The following ZNF726 variants were observed in gnomAD, a reference collection of about 807,000 sequenced individuals.
ZNF726 encodes the protein zinc finger protein 726.
A neutral mutation model predicts 11.6 loss-of-function variants in ZNF726; 15 were observed. The observed-to-expected ratio is 1.29, with a 90% CI of 0.86 to 1.99. The LOEUF is 1.99. Among genes scored for constraint, ZNF726 ranks in the 30% most tolerant of loss-of-function variants. The probability of loss-of-function intolerance (pLI) is 0.00; values close to 1 mark genes in which losing one functional copy is unlikely to be tolerated. For missense variants in ZNF726, 890 were observed against 725.6 expected (o/e 1.23, Z -2.60); for synonymous variants, 295 against 243.6 (o/e 1.21, Z -1.96).
At chr19:23,923,072 G>T (rs1025773088) in intron 3 of ZNF726, among the ~76,000 whole-genome samples, 1 of 151,900 alleles carries the variant, frequency 6.6e-6, no homozygotes, top group Non-Finnish European at 1.5e-5. Context: ...TAGATAATAC[G>T]CAGGCAGGCA....
intron 3 of ZNF726, among the ~76,000 whole-genome samples, chr19:23,931,438 T>G (rs1454688955): frequency 6.6e-6 from 1 of 152,256 alleles, no homozygotes; most frequent in Admixed American, 6.5e-5. Flanking sequence ...TCTCTGTTCC[T>G]GTTTTAATCA....
chr19:23,916,253 TC>T (rs1967695437), intron 1 of ZNF726, among the ~76,000 whole-genome samples: 1 of 152,194 alleles, frequency 6.6e-6, no homozygotes, highest in Non-Finnish European at 1.5e-5. Flanking sequence ...AATGCCAGTT[TC>T]TCCTCTCTAA....
chr19:23,932,513 C>G lies in ZNF726; in HGVS notation c.397C>G (p.Leu133Val), dbSNP rs1968129763. 3.2e-6 allele frequency: 5 copies of G among 1,586,240 alleles called. No individual in the cohort carries two copies. The African/African-American group carries it at 5.4e-5, about 17-fold the overall frequency. The change falls in exon 4 of 4, where the codon CTT becomes GTT. Residue 133 changes from leucine to valine, a missense_variant. Leu to Val is a conservative substitution (Grantham distance 32). Coordinates refer to ENST00000594466, the MANE Select transcript of ZNF726 (RefSeq NM_001244038.2). ...GGTACACAAAGAAGGTTATAATGGA[C>G]TTAACCAGTGTTTCACAACTACCCA... ...CKVHKEGYNG[L>V]NQCFTTTQGK...
downstream of ZNF726, chr19:23,935,119 A>G (rs1968205827): frequency 5.5e-6 from 2 of 360,870 alleles, no homozygotes; most frequent in South Asian, 2.1e-5. Flanking sequence ...CTGGTGATAC[A>G]GTTTGGCTGT....
In ZNF726 at chr19:23,932,327, T is replaced by G; in HGVS notation, c.227-16T>G. The G allele has an allele frequency of 1.5e-6, 2 of 1,321,806 alleles. No homozygotes were observed. The highest frequency in any genetic ancestry group is 2.7e-5 in the South Asian group (1 of 37,214). The allele number at this position is 1,321,806 out of a possible 1,614,324, so 81.9% of individuals were successfully genotyped here. A position where few individuals can be genotyped will look rare whatever the true frequency, so the allele number is the denominator to read the frequency against. On this transcript the variant is annotated splice_polypyrimidine_tract_variant and intron_variant, in intron 3 of 3. Coordinates refer to ENST00000594466, the MANE Select transcript of ZNF726 (RefSeq NM_001244038.2). ...CAGTATAGTAAGTGGAGTAAATTATTTTAATTTTTTTTTAGGTATATGTCC... is the reference window on the plus strand; with the variant it reads ...CAGTATAGTAAGTGGAGTAAATTATGTTAATTTTTTTTTAGGTATATGTCC...
rs541855480 is a variant in ZNF726 at position 23,933,681 on chromosome 19, C to T, written c.1565C>T (p.Ser522Leu). ...TGTGGCAAAGCATTTATATTGTCCT[C>T]GACCCTATCTAAACATAAGAGGATT... is the stretch of plus-strand genomic sequence containing the variant. Reference protein sequence around the residue: ...EECGKAFILSSTLSKHKRIHT... With the variant: ...EECGKAFILSLTLSKHKRIHT... Residue 522 changes from serine (S) to leucine (L), a missense_variant, in exon 4 of 4, where the codon TCG (serine) becomes TTG (leucine). Physicochemically the swap from Ser to Leu is moderately radical, Grantham distance 145. Coordinates refer to ENST00000594466, the MANE Select transcript of ZNF726 (RefSeq NM_001244038.2). 17 of 1,612,246 alleles carry T rather than the reference C, an allele frequency of 1.1e-5. No homozygotes were observed. The highest frequency in any genetic ancestry group is 1.7e-4 in the Middle Eastern group (1 of 6,054).
downstream of ZNF726, chr19:23,935,501 T>G (rs1274298332): frequency 4.5e-6 from 2 of 443,604 alleles, no homozygotes; most frequent in South Asian, 3.4e-5. Flanking sequence ...AAGTCCTCAA[T>G]TCTTAACAGA....
At chr19:23,939,861 G>GTTTTTTTTTTTTT (rs1405429449) in intron 3 of ZNF726, among the ~76,000 whole-genome samples, 1 of 80,130 alleles carries the variant, frequency 1.2e-5, no homozygotes, top group Admixed American at 1.0e-4. Context: ...TTTTTGATGG[G>GTTTTTTTTTTTTT]ATTTTTTTTT....
intron 3 of ZNF726, among the ~76,000 whole-genome samples, chr19:23,939,664 A>G (rs1752181980): frequency 6.6e-6 from 1 of 152,108 alleles, no homozygotes. Context: ...TTCCCTGATC[A>G]CTGCATCCAC....
chr19:23,943,752 A>C (rs942715039), intron 4 of ZNF726: 1 of 433,420 alleles, frequency 2.3e-6, no homozygotes, highest in South Asian at 7.8e-5. Context: ...TTTTTGTCCC[A>C]TACCCTTAAA....
chr19:23,933,929 T>C lies in ZNF726; in HGVS notation c.1813T>C (p.Ser605Pro). ...CGAATGTGGCAAATCATTTATCTGG[T>C]CCTCAACCCTTTTTAAGCATAAGAG... The part of the protein sequence containing the change: ...CDECGKSFIW[S>P]STLFKHKRIH... Residue 605 changes from serine (S) to proline (P), a missense_variant, in exon 4 of 4, where the codon TCC becomes CCC. Transcript: ENST00000594466. 1 of 1,583,626 alleles carries C rather than the reference T, an allele frequency of 6.3e-7. No individual in the cohort carries two copies. The highest frequency in any genetic ancestry group is 8.6e-7 in the Non-Finnish European group (1 of 1,164,488).
In ZNF726 at chr19:23,919,233, A is replaced by G. The variant is rs1047056693; in HGVS notation, c.4-140A>G. ...TACATTAGAAAATGTTTGTGTTTTG[A>G]CAATTATTTTATTGGATAATTTCAG... On this transcript the variant is annotated intron_variant, in intron 1 of 3. Transcript: ENST00000594466. The G allele has an allele frequency of 4.6e-5, 62 of 1,351,706 alleles. No homozygotes were observed. The African/African-American group carries it at 8.6e-4, about 19-fold the overall frequency. The allele number at this position is 1,351,706 out of a possible 1,614,324, so 83.7% of individuals were successfully genotyped here. A position where few individuals can be genotyped will look rare whatever the true frequency, so the allele number is the denominator to read the frequency against.
chr19:23,915,245 C>T (rs1197846266), intron 1 of ZNF726, among the ~76,000 whole-genome samples: 1 of 152,136 alleles, frequency 6.6e-6, no homozygotes, highest in African/African-American at 2.4e-5. Flanking sequence ...TTGGGCAGCT[C>T]TGCACCAGTA....
At chr19:23,935,521 A>G (rs771040472), downstream of ZNF726, 3 of 386,166 alleles carry the variant, frequency 7.8e-6, no homozygotes, top group Non-Finnish European at 1.5e-5. Context: ...ATATAAGATT[A>G]TTCATACTGA....
At chr19:23,939,861 G>GTTTTTTT (rs1405429449) in intron 3 of ZNF726, among the ~76,000 whole-genome samples, 3 of 80,140 alleles carry the variant, frequency 3.7e-5, no homozygotes, top group African/African-American at 1.0e-4. Context: ...TTTTTGATGG[G>GTTTTTTT]ATTTTTTTTT....
chr19:23,915,143 C>T, intron 1 of ZNF726, 146 bp downstream of exon 1: 1 of 1,248,966 alleles, frequency 8.0e-7, no homozygotes. Context: ...TCAGTCCCTT[C>T]AGCCTTAAGA....
rs1968156075 is a variant in ZNF726 at position 23,933,238 on chromosome 19, T to C, written c.1122T>C (p.Cys374=). 2 of 1,613,126 alleles carry C rather than the reference T, an allele frequency of 1.2e-6. No individual in the cohort carries two copies. The highest frequency in any genetic ancestry group is 1.3e-5 in the African/African-American group (1 of 74,522). The change falls in exon 4 of 4, where the codon TGT becomes TGC. Residue 374 remains cysteine, a synonymous_variant. Coordinates refer to ENST00000594466, the MANE Select transcript of ZNF726 (RefSeq NM_001244038.2). ...AGAAACCCTACAAATGTGAAGAATGTGGCAAAGCATTTATATGGCCCTCAA... is the reference window on the plus strand; with the variant it reads ...AGAAACCCTACAAATGTGAAGAATGCGGCAAAGCATTTATATGGCCCTCAA... ...TGEKPYKCEE[C]GKAFIWPSTL... is the part of the protein sequence containing the mutation.
At chr19:23,919,928 C>A in intron 2 of ZNF726, 59 bp from the exon 3 acceptor site, 1 of 1,215,620 alleles carries the variant, frequency 8.2e-7, no homozygotes, top group Non-Finnish European at 1.2e-6. Context: ...TTGCACATTA[C>A]TAAGTTGGTA....
chr19:23,943,357 C>T (rs1220217889), intron 3 of ZNF726: 3 of 416,472 alleles, frequency 7.2e-6, no homozygotes, highest in Non-Finnish European at 1.3e-5. Flanking sequence ...TCTAAATATT[C>T]TAAAGGTTCT....
Sources: allele counts gnomAD v4.1 joint callset (sites outside exome capture counted in the v4.1 genomes callset), GRCh38; gene constraint gnomAD v4.1.1; transcripts MANE v1.5; gene names NCBI Gene and HGNC (gene_info 2026-07-23, HGNC 2026-07-21).